The following IDO2 variants were observed in gnomAD, a reference collection of about 807,000 sequenced individuals.
IDO2 encodes indoleamine 2,3-dioxygenase-like 1 protein.
IDO2 carries 46 observed loss-of-function variants against 45.1 expected under a neutral mutation model. The observed-to-expected ratio is 1.02, with a 90% confidence interval of 0.80 to 1.30. The LOEUF is 1.30. Among genes scored for constraint, IDO2 ranks in the 50% most tolerant of loss-of-function variants. The pLI is 0.00. For missense variants in IDO2, 544 were observed against 491.8 expected (o/e 1.11, Z -1.00); for synonymous variants, 218 against 184.9 (o/e 1.18, Z -1.45).
chr8:39,999,102 A>G (rs1802097441), intron 8 of IDO2, among the ~76,000 whole-genome samples: 2 of 152,042 alleles, frequency 1.3e-5, no homozygotes, highest in African/African-American at 4.8e-5. Context: ...GCTAGCAGCT[A>G]TATTCTTTTA....
At chr8:40,015,456 G>T (rs1802373742) in exon 11 of IDO2, 3 of 1,613,918 alleles carry the variant, frequency 1.9e-6, no homozygotes, top group Middle Eastern at 1.6e-4. Flanking sequence ...CACAGCTGCA[G>T]CCAAGGCAAA....
chr8:39,987,746 C>T (rs16888478), intron 6 of IDO2, 125 bp from the exon 7 acceptor site: 121,987 of 617,818 alleles, frequency 0.2, 17,224 homozygotes, highest in East Asian at 0.66. Flanking sequence ...GGCTGTCTTA[C>T]GGAGAGGAGA....
At chr8:39,980,499 AG>A (rs1464322498) in intron 4 of IDO2, among the ~76,000 whole-genome samples, 1 of 152,070 alleles carries the variant, frequency 6.6e-6, no homozygotes, top group Non-Finnish European at 1.5e-5. Flanking sequence ...TTCCACCCAC[AG>A]TGTCTTTTAC....
At chr8:39,948,213 C>T (rs1432881799) in intron 1 of IDO2, among the ~76,000 whole-genome samples, 4 of 152,162 alleles carry the variant, frequency 2.6e-5, no homozygotes, top group Admixed American at 6.5e-5. Context: ...TTAACGTGAT[C>T]GAATATTTCA....
At chr8:40,002,005 C>G (rs1307760257) in intron 8 of IDO2, among the ~76,000 whole-genome samples, 2 of 152,090 alleles carry the variant, frequency 1.3e-5, no homozygotes, top group Non-Finnish European at 2.9e-5. Context: ...AGGCTGGTCT[C>G]AAACTCCTGA....
intron 9 of IDO2, among the ~76,000 whole-genome samples, chr8:40,011,158 G>C (rs1802304941): frequency 1.3e-5 from 2 of 152,220 alleles, no homozygotes; most frequent in Non-Finnish European, 2.9e-5. Context: ...CGATCTCCCC[G>C]CCTGGGCCTC....
chr8:39,961,320 CTTTTTTTT>C (rs57577433), intron 2 of IDO2, among the ~76,000 whole-genome samples: 18 of 106,118 alleles, frequency 1.7e-4, no homozygotes, highest in African/African-American at 5.4e-4. Context: ...TTGTATACTT[CTTTTTTTT>C]TTTTTTTTTT....
intron 8 of IDO2, among the ~76,000 whole-genome samples, chr8:40,001,328 C>G (rs1802134414): frequency 6.8e-6 from 1 of 148,122 alleles, no homozygotes; most frequent in Non-Finnish European, 1.5e-5. Context: ...TGGCTCACCA[C>G]AACCTCCACT....
At chr8:39,935,699 T>C (rs1048209806) in intron 1 of IDO2, among the ~76,000 whole-genome samples, 1 of 152,144 alleles carries the variant, frequency 6.6e-6, no homozygotes, top group Non-Finnish European at 1.5e-5. Flanking sequence ...ATCCACCTGC[T>C]TTGACCTCCC....
chr8:40,014,850 T>C (rs1802362576), intron 10 of IDO2, among the ~76,000 whole-genome samples: 1 of 152,102 alleles, frequency 6.6e-6, no homozygotes, highest in Non-Finnish European at 1.5e-5. Context: ...TGCATTCTTG[T>C]CTGAAAAAGC....
intron 2 of IDO2, among the ~76,000 whole-genome samples, chr8:39,952,558 A>G (rs1030040508): frequency 6.6e-6 from 1 of 152,172 alleles, no homozygotes; most frequent in Non-Finnish European, 1.5e-5. Flanking sequence ...AAGCTCCAAC[A>G]TTTATTGTGG....
intron 2 of IDO2, among the ~76,000 whole-genome samples, chr8:39,959,248 C>T (rs745790946): frequency 6.6e-6 from 1 of 151,168 alleles, no homozygotes; most frequent in Non-Finnish European, 1.5e-5. Context: ...GCTGGGACTA[C>T]AGGTGCCCGC....
chr8:39,988,027 C>G (rs1033151364), intron 7 of IDO2, 57 bp downstream of exon 7: 1 of 950,304 alleles, frequency 1.1e-6, no homozygotes, highest in African/African-American at 1.6e-5. Flanking sequence ...CTTTACTTCC[C>G]ACTCAGTGCC....
At chr8:40,015,020 G>T (rs1036880261) in intron 10 of IDO2, among the ~76,000 whole-genome samples, 1 of 152,076 alleles carries the variant, frequency 6.6e-6, no homozygotes, top group African/African-American at 2.4e-5. Flanking sequence ...GCTGGGTGTG[G>T]TGGCGCACAC....
At chr8:39,951,973 C>A (rs73619569) in intron 2 of IDO2, among the ~76,000 whole-genome samples, 1 of 152,190 alleles carries the variant, frequency 6.6e-6, no homozygotes, top group Non-Finnish European at 1.5e-5. Flanking sequence ...AATGTCCATT[C>A]CTGAGCTTAT....
intron 6 of IDO2, chr8:39,987,603 C>T (rs1808444002): frequency 3.1e-6 from 1 of 326,468 alleles, no homozygotes; most frequent in Admixed American, 4.3e-5. Flanking sequence ...CCAGTTATTC[C>T]ACTGCGGAGA....
intron 8 of IDO2, among the ~76,000 whole-genome samples, chr8:40,003,098 T>C (rs955300267): frequency 4.6e-5 from 7 of 152,082 alleles, no homozygotes; most frequent in Non-Finnish European, 8.8e-5. Flanking sequence ...TTCCTGTCCA[T>C]GAACATGGTA....
intron 8 of IDO2, among the ~76,000 whole-genome samples, chr8:39,995,709 T>C (rs982080828): frequency 6.6e-6 from 1 of 152,238 alleles, no homozygotes; most frequent in African/African-American, 2.4e-5. Context: ...TTTGTAGCAC[T>C]ACTCTTTATT....
intron 3 of IDO2, among the ~76,000 whole-genome samples, chr8:39,969,340 T>C (rs1158478351): frequency 6.6e-6 from 1 of 152,200 alleles, no homozygotes; most frequent in Non-Finnish European, 1.5e-5. Flanking sequence ...TGATCTTTAA[T>C]GTTACTATCA....
Sources: allele counts gnomAD v4.1 joint callset (sites outside exome capture counted in the v4.1 genomes callset), GRCh38; gene constraint gnomAD v4.1.1; transcripts MANE v1.5; gene names NCBI Gene and HGNC (gene_info 2026-07-23, HGNC 2026-07-21).